ELAVL4: variants seen among roughly 807,000 people sequenced by gnomAD.
The protein encoded by ELAVL4 is ELAV like RNA binding protein 4.
Under a neutral mutation model 35.6 loss-of-function variants are expected in ELAVL4, and 1 was observed. That is an observed-to-expected ratio of 0.03 (90% CI 0.01 to 0.13). The LOEUF (loss-of-function observed/expected upper bound fraction) is 0.13. Ranked by LOEUF, ELAVL4 falls within the 10% of genes least tolerant of loss-of-function variation. The probability of loss-of-function intolerance (pLI) is 1.00; values close to 1 mark genes in which losing one functional copy is unlikely to be tolerated. For synonymous variants in ELAVL4, 156 were observed against 171.0 expected, an observed-to-expected ratio of 0.91 and a Z score of 0.69; for missense variants, 267 against 464.9, an observed-to-expected ratio of 0.57 and a Z score of 3.91.
At chr1:50,141,602 C>T (rs1235666013) in intron 1 of ELAVL4, among the ~76,000 whole-genome samples, 6 of 152,200 alleles carry the variant, frequency 3.9e-5, no homozygotes, top group South Asian at 2.1e-4. Context: ...ATCCCTTTAG[C>T]ATGCCTCCTT....
At chr1:50,115,576 A>G (rs1237451432) in intron 1 of ELAVL4, among the ~76,000 whole-genome samples, 2 of 152,074 alleles carry the variant, frequency 1.3e-5, no homozygotes, top group Non-Finnish European at 1.5e-5. Context: ...TATTTTTTCC[A>G]TAGGAAGTTT....
intron 1 of ELAVL4, among the ~76,000 whole-genome samples, chr1:50,089,734 G>A (rs1443899113): frequency 1.3e-5 from 2 of 152,166 alleles, no homozygotes; most frequent in African/African-American, 2.4e-5. Flanking sequence ...CAGCCTGGGC[G>A]ACAGAGTGAG....
At position 50,195,709 on chromosome 1, in the gene ELAVL4, G is replaced by T. The variant is rs2148886017; in HGVS notation, c.657G>T (p.Gln219His). The part of the protein sequence containing the change: ...FANNPSQKSS[Q>H]ALLSQLYQSP... ...ACAACCCCAGCCAGAAGTCCAGCCA[G>T]GCCCTGCTCTCCCAGCTCTACCAGT... Residue 219 changes from glutamine (Q) to histidine (H), a missense_variant, in exon 5 of 7, where the codon CAG becomes CAT. Coordinates refer to ENST00000371824, the MANE Select transcript of ELAVL4 (RefSeq NM_001144774.3). 1 of 1,614,140 alleles carries T rather than the reference G, an allele frequency of 6.2e-7. No homozygotes were observed. Among genetic ancestry groups the T allele is most frequent in the African/African-American group, 1.3e-5 (1 of 75,046 alleles).
chr1:50,097,141 G>A (rs12733544), intron 1 of ELAVL4, among the ~76,000 whole-genome samples: 47,876 of 151,974 alleles, frequency 0.32, 8,300 homozygotes, highest in East Asian at 0.74. Flanking sequence ...GATGACTTAA[G>A]CCTGAGAGGT....
intron 1 of ELAVL4, among the ~76,000 whole-genome samples, chr1:50,138,868 G>A (rs1429506616): frequency 1.3e-5 from 2 of 152,150 alleles, no homozygotes; most frequent in Non-Finnish European, 2.9e-5. Context: ...ATTGTTTAAT[G>A]GGTATAGAGT....
intron 1 of ELAVL4, among the ~76,000 whole-genome samples, chr1:50,096,873 G>A (rs1370910760): frequency 2.0e-5 from 3 of 152,048 alleles, no homozygotes; most frequent in African/African-American, 7.2e-5. Context: ...ACTTTTAAAA[G>A]CCCATGGTTT....
chr1:50,193,635 T>C, intron 3 of ELAVL4, 130 bp from the exon 4 acceptor site: 12 of 1,152,692 alleles, frequency 1.0e-5, no homozygotes, highest in Non-Finnish European at 1.5e-5. Context: ...AAATCTGAAC[T>C]ACTGAGTGAT....
intron 1 of ELAVL4, chr1:50,109,811 G>T: frequency 2.6e-6 from 3 of 1,141,356 alleles, no homozygotes; most frequent in Non-Finnish European, 3.9e-6. Context: ...ATGTGTAGCA[G>T]TGCCTGGCGT....
intron 1 of ELAVL4, among the ~76,000 whole-genome samples, chr1:50,075,753 C>T (rs1464023724): frequency 1.3e-5 from 2 of 152,044 alleles, no homozygotes; most frequent in Admixed American, 6.5e-5. Flanking sequence ...TTGATGAACC[C>T]GTCATAAGTT....
chr1:50,094,447 G>A (rs531799317), intron 1 of ELAVL4, among the ~76,000 whole-genome samples: 1 of 152,200 alleles, frequency 6.6e-6, no homozygotes, highest in Non-Finnish European at 1.5e-5. Context: ...GCTGGTAGAT[G>A]GTATTCATTT....
upstream of ELAVL4, among the ~76,000 whole-genome samples, chr1:50,103,544 T>C (rs113142382): frequency 2.1e-3 from 314 of 152,346 alleles, 4 homozygotes; most frequent in African/African-American, 7.1e-3. Context: ...AGACTGATTG[T>C]ATTTTTCCTA....
intron 3 of ELAVL4, among the ~76,000 whole-genome samples, chr1:50,187,352 G>A (rs1246825324): frequency 1.3e-5 from 2 of 152,156 alleles, no homozygotes; most frequent in East Asian, 3.9e-4. Flanking sequence ...AGCATTTACT[G>A]TGTGCCAGGC....
intron 2 of ELAVL4, among the ~76,000 whole-genome samples, chr1:50,156,369 T>A (rs1304978374): frequency 2.6e-5 from 4 of 152,188 alleles, no homozygotes; most frequent in African/African-American, 9.7e-5. Context: ...ACTTTGTAAA[T>A]GAAAGCAGTC....
chr1:50,052,876 C>G (rs1312305717), intron 1 of ELAVL4, among the ~76,000 whole-genome samples: 1 of 152,130 alleles, frequency 6.6e-6, no homozygotes, highest in Admixed American at 6.5e-5. Flanking sequence ...AAAATGACTC[C>G]CAAAAACCCT....
intron 1 of ELAVL4, among the ~76,000 whole-genome samples, chr1:50,097,164 G>A (rs1401926628): frequency 1.3e-5 from 2 of 152,292 alleles, no homozygotes. Context: ...AGGCTGCAGT[G>A]AGCCATGATC....
chr1:50,099,560 CAAAAAAAA>C (rs750905424), upstream of ELAVL4, among the ~76,000 whole-genome samples: 2 of 56,314 alleles, frequency 3.6e-5, no homozygotes, highest in Non-Finnish European at 7.9e-5. Context: ...AACTCCGCCT[CAAAAAAAA>C]AAAAAAAAAA....
At chr1:50,074,003 G>C (rs1664647498) in intron 1 of ELAVL4, among the ~76,000 whole-genome samples, 1 of 152,174 alleles carries the variant, frequency 6.6e-6, no homozygotes, top group South Asian at 2.1e-4. Flanking sequence ...TGAGTCATCA[G>C]CATGGTAGGT....
intron 2 of ELAVL4, among the ~76,000 whole-genome samples, chr1:50,173,302 T>C (rs1679373818): frequency 6.6e-6 from 1 of 152,238 alleles, no homozygotes; most frequent in Non-Finnish European, 1.5e-5. Context: ...TATGTGCCTA[T>C]GCTTTATAAA....
intron 2 of ELAVL4, among the ~76,000 whole-genome samples, chr1:50,166,594 C>T (rs918798755): frequency 6.6e-6 from 1 of 152,108 alleles, no homozygotes; most frequent in African/African-American, 2.4e-5. Flanking sequence ...TGGTTTTTTT[C>T]CTGGTGGAAT....
Sources: allele counts gnomAD v4.1 joint callset (sites outside exome capture counted in the v4.1 genomes callset), GRCh38; gene constraint gnomAD v4.1.1; transcripts MANE v1.5; gene names NCBI Gene and HGNC (gene_info 2026-07-23, HGNC 2026-07-21).